RALGAPA1: variants seen among roughly 807,000 people sequenced by gnomAD.
RALGAPA1 encodes Ral GTPase activating protein catalytic subunit alpha 1, also known as ral GTPase-activating protein subunit alpha-1.
Under a neutral mutation model 269.6 loss-of-function variants are expected in RALGAPA1, and 52 were observed. That is an observed-to-expected ratio of 0.19 (90% CI 0.15 to 0.24). The LOEUF (loss-of-function observed/expected upper bound fraction) is 0.24. RALGAPA1 is among the 10% of genes least tolerant of loss of function. RALGAPA1 has a pLI of 1.00. For missense variants in RALGAPA1, 1,917 were observed against 3,013.9 expected (o/e 0.64, Z 8.52); for synonymous variants, 817 against 1,008.3 (o/e 0.81, Z 3.60).
Position 35,721,629 on chromosome 14 carries a change from T to C in RALGAPA1, c.2266+59A>G, listed in dbSNP as rs1218298299. 2.1e-6 allele frequency: 3 copies of C among 1,402,194 alleles called. No homozygotes were observed. The Admixed American group carries it at 6.9e-5, about 32-fold the overall frequency. The allele number at this position is 1,402,194 out of a possible 1,614,324, so 86.9% of individuals were successfully genotyped here. ...AAAAATTTATATTGATATAAATTGT[T>C]ACCAAGGACTATAAATGTAGTGCCC... is the stretch of plus-strand genomic sequence containing the variant. On this transcript the variant is annotated intron_variant, in intron 16 of 41. Transcript: ENST00000680220.
intron 16 of RALGAPA1, among the ~76,000 whole-genome samples, chr14:35,712,351 C>T (rs2068428544): frequency 6.6e-6 from 1 of 151,590 alleles, no homozygotes; most frequent in Non-Finnish European, 1.5e-5. Context: ...ACTTCTCTAA[C>T]ACTCTTCCAT....
intron 39 of RALGAPA1, among the ~76,000 whole-genome samples, chr14:35,554,251 T>C (rs1311759812): frequency 6.6e-6 from 1 of 151,940 alleles, no homozygotes; most frequent in Non-Finnish European, 1.5e-5. Context: ...ACATCATACA[T>C]CTTGAAGATT....
At chr14:35,796,104 A>T (rs76257434) in intron 1 of RALGAPA1, among the ~76,000 whole-genome samples, 96 of 152,260 alleles carry the variant, frequency 6.3e-4, no homozygotes, top group Middle Eastern at 3.4e-3. Context: ...AAATTCTAGA[A>T]CTGAAAGAGA....
chr14:35,596,743 T>C (rs2058953123), intron 36 of RALGAPA1, among the ~76,000 whole-genome samples: 1 of 152,150 alleles, frequency 6.6e-6, no homozygotes, highest in Admixed American at 6.6e-5. Flanking sequence ...TTTAAAGCAT[T>C]AAAAAAGCAC....
At chr14:35,769,996 A>G (rs895465788) in intron 4 of RALGAPA1, among the ~76,000 whole-genome samples, 1 of 152,192 alleles carries the variant, frequency 6.6e-6, no homozygotes, top group Non-Finnish European at 1.5e-5. Flanking sequence ...ACAAACTACA[A>G]TACAATATTC....
At chr14:35,642,281 G>C (rs2062083633) in intron 31 of RALGAPA1, among the ~76,000 whole-genome samples, 2 of 152,106 alleles carry the variant, frequency 1.3e-5, no homozygotes, top group Admixed American at 1.3e-4. Context: ...GCACGGCAAA[G>C]TAAATGGTCA....
rs549597646 is a variant in RALGAPA1, at chr14:35,739,977, C to G, written c.1450-1327G>C. ...TCTAGTCCTGTCTATCTCATATTTC[C>G]TGCTGTTCTGTCTCATCTACTCTAC... On this transcript the variant is annotated intron_variant, in intron 11 of 41. Coordinates refer to ENST00000680220, the MANE Select transcript of RALGAPA1 (RefSeq NM_001346249.2). Among the ~76,000 whole-genome samples the G allele has an allele frequency of 2.1e-3, 317 of 152,248 alleles. 3 individuals carry two copies. The highest frequency in any genetic ancestry group is 7.2e-3 in the African/African-American group (301 of 41,554).
chr14:35,657,108 T>A (rs1011108594), intron 28 of RALGAPA1, among the ~76,000 whole-genome samples: 1 of 152,066 alleles, frequency 6.6e-6, no homozygotes, highest in South Asian at 2.1e-4. Flanking sequence ...GTCAAAATAA[T>A]CTAGATTATT....
intron 35 of RALGAPA1, among the ~76,000 whole-genome samples, chr14:35,617,567 G>A (rs1368171535): frequency 7.2e-6 from 1 of 138,388 alleles, no homozygotes; most frequent in African/African-American, 2.7e-5. Flanking sequence ...GCAGTGAGCC[G>A]TTATCATGTC....
At chr14:35,789,608 G>A (rs1001336468) in intron 1 of RALGAPA1, among the ~76,000 whole-genome samples, 6 of 151,708 alleles carry the variant, frequency 4.0e-5, no homozygotes, top group African/African-American at 1.5e-4. Context: ...AAAATCAAAT[G>A]CCTGAAGATC....
intron 30 of RALGAPA1, among the ~76,000 whole-genome samples, chr14:35,652,171 T>C (rs140277146): frequency 8.3e-4 from 126 of 152,092 alleles, no homozygotes; most frequent in African/African-American, 2.9e-3. Context: ...ACACAGAAAA[T>C]ATATGTTCAT....
chr14:35,796,390 C>T (rs1459147193), intron 1 of RALGAPA1, among the ~76,000 whole-genome samples: 1 of 152,114 alleles, frequency 6.6e-6, no homozygotes, highest in Non-Finnish European at 1.5e-5. Context: ...ACTAATAATA[C>T]TTCTTACTAA....
intron 3 of RALGAPA1, among the ~76,000 whole-genome samples, chr14:35,773,455 T>C (rs2074788723): frequency 6.6e-6 from 1 of 152,042 alleles, no homozygotes; most frequent in Non-Finnish European, 1.5e-5. Flanking sequence ...CAAACATTTC[T>C]ATGTAAAGAA....
intron 36 of RALGAPA1, among the ~76,000 whole-genome samples, chr14:35,600,313 C>G (rs1322189688): frequency 7.0e-6 from 1 of 143,440 alleles, no homozygotes; most frequent in African/African-American, 2.7e-5. Context: ...TCACTGTAAC[C>G]TCCACCTCCG....
chr14:35,665,998 T>C (rs537503785), intron 26 of RALGAPA1, among the ~76,000 whole-genome samples: 3 of 151,862 alleles, frequency 2.0e-5, no homozygotes, highest in African/African-American at 4.8e-5. Flanking sequence ...CGAGCAAGAA[T>C]TGGACTAGGT....
At chr14:35,651,134 A>G (rs2140001016) in intron 31 of RALGAPA1, among the ~76,000 whole-genome samples, 2 of 152,292 alleles carry the variant, frequency 1.3e-5, no homozygotes, top group African/African-American at 2.4e-5. Flanking sequence ...AAAAAACTCA[A>G]TAGAAACGGA....
chr14:35,766,062 G>A, intron 4 of RALGAPA1: 4 of 1,319,960 alleles, frequency 3.0e-6, no homozygotes, highest in Non-Finnish European at 4.4e-6. Context: ...AGGTGGGAGT[G>A]CAGTTGCCAT....
At chr14:35,737,732 C>G (rs972649832) in intron 12 of RALGAPA1, among the ~76,000 whole-genome samples, 2 of 111,712 alleles carry the variant, frequency 1.8e-5, no homozygotes, top group South Asian at 3.0e-4. Context: ...GCACTCCAAC[C>G]TGGGCAACAA....
chr14:35,627,028 T>G, intron 34 of RALGAPA1, 62 bp downstream of exon 34: 1 of 1,371,090 alleles, frequency 7.3e-7, no homozygotes. Flanking sequence ...TAAAATGCTT[T>G]ATCAGAAGAT....
Sources: gnomAD v4.1 joint callset for allele counts (sites outside exome capture counted in the v4.1 genomes callset) on GRCh38, gnomAD v4.1.1 for gene constraint, MANE v1.5 for transcripts, NCBI Gene and HGNC (gene_info 2026-07-23, HGNC 2026-07-21) for gene names.